Variants in TPR observed in about 807,000 individuals in gnomAD.
TPR encodes the protein nucleoprotein TPR.
In TPR, 51 loss-of-function variants were observed where a neutral mutation model predicts 316.1. The ratio of observed to expected loss-of-function variants is 0.16; its 90% CI spans 0.13 to 0.20. The LOEUF (loss-of-function observed/expected upper bound fraction) is 0.20. Among genes scored for constraint, TPR ranks in the 10% least tolerant of loss-of-function variants. The probability of loss-of-function intolerance (pLI) is 1.00; values close to 1 mark genes in which losing one functional copy is unlikely to be tolerated. For synonymous variants in TPR, 981 were observed against 914.7 expected, an observed-to-expected ratio of 1.07 and a Z score of -1.31; for missense variants, 2,272 against 2,754.8, an observed-to-expected ratio of 0.82 and a Z score of 3.92.
At chr1:186,350,186 T>G (rs1558020133) in intron 21 of TPR, 37 bp downstream of exon 21, 3 of 1,528,492 alleles carry the variant, frequency 2.0e-6, no homozygotes, top group Non-Finnish European at 2.6e-6. Flanking sequence ...AAGTACTTGT[T>G]TATTTACAAT....
rs1658598149 is a variant in TPR, at chr1:186,343,978, C to T, written c.3530G>A (p.Gly1177Asp). ...AGATACATTCAGTGGACCTTGTACA[C>T]CTTCCTTCACAGAGGCAACGACCTT... is the stretch of plus-strand genomic sequence containing the variant. ...SDKVVASVKE[G>D]VQGPLNVSLS... Residue 1177 changes from glycine to aspartate, a missense_variant, in exon 26 of 51, where the codon GGT (glycine) becomes GAT (aspartate). Transcript: ENST00000367478. 5.0e-6 allele frequency: 8 copies of T among 1,614,148 alleles called. No homozygotes were observed. The East Asian group carries it at 1.3e-4, about 27-fold the overall frequency.
In TPR at chr1:186,358,638, A is replaced by G; in HGVS notation, c.1402T>C (p.Leu468=). 1.2e-6 allele frequency: 2 copies of G among 1,611,560 alleles called. No homozygotes were observed. The highest frequency in any genetic ancestry group is 1.7e-6 in the Non-Finnish European group (2 of 1,179,048). The part of the protein sequence containing the change: ...LEQAMKEIQR[L]QEDTDKANKQ... ...TTGGCTTTATCAGTGTCCTCCTGCAATCGCTGAATCTCCTTTAAAATGTAA... is the reference window on the plus strand; with the variant it reads ...TTGGCTTTATCAGTGTCCTCCTGCAGTCGCTGAATCTCCTTTAAAATGTAA... Residue 468 remains leucine, a synonymous_variant, in exon 13 of 51, where the codon TTG becomes CTG. Coordinates refer to ENST00000367478, the MANE Select transcript of TPR (RefSeq NM_003292.3).
intron 21 of TPR, among the ~76,000 whole-genome samples, chr1:186,348,241 G>T (rs573569094): frequency 6.6e-6 from 1 of 152,056 alleles, no homozygotes; most frequent in Non-Finnish European, 1.5e-5. Flanking sequence ...ATGCGTCCCT[G>T]GGGGGAGGTC....
At chr1:186,332,392 TAGATAA>T (rs757165863) in intron 37 of TPR, 49 bp from the exon 38 acceptor site, 9 of 1,590,090 alleles carry the variant, frequency 5.7e-6, no homozygotes, top group East Asian at 2.2e-5. Flanking sequence ...TAACTCAATT[TAGATAA>T]AGATAGTTTA....
Position 186,311,652 on chromosome 1 carries a change from TTTTCA to T in TPR, c.*2314_*2318del. The T allele has an allele frequency of 1.3e-6, 2 of 1,512,516 alleles. No homozygotes were observed. The highest frequency in any genetic ancestry group is 1.8e-6 in the Non-Finnish European group (2 of 1,090,258). The allele number at this position is 1,512,516 out of a possible 1,614,324, so 93.7% of individuals were successfully genotyped here. ...AACTTTTAAAGAATTACACTCAGCA[TTTTCA>T]TTTATTATTGACTTTACTGTCAAAA... On this transcript the variant is annotated 3_prime_UTR_variant, in exon 51 of 51. Transcript: ENST00000367478.
At chr1:186,360,657 T>C (rs1399096365) in intron 10 of TPR, 108 bp downstream of exon 10, 1 of 1,403,738 alleles carries the variant, frequency 7.1e-7, no homozygotes, top group East Asian at 2.4e-5. Context: ...CTCGATGGAG[T>C]TTCCTACATC....
chr1:186,343,284 TTTTGA>T (rs1225920845), intron 27 of TPR, 37 bp downstream of exon 27: 4 of 1,583,328 alleles, frequency 2.5e-6, no homozygotes, highest in East Asian at 2.2e-5. Context: ...AGTGCTTCTC[TTTTGA>T]TTTAACAAGT....
At position 186,333,177 on chromosome 1, in the gene TPR, A is replaced by C; in HGVS notation, c.5400T>G (p.Val1800=). 1 of 1,613,556 alleles carries C rather than the reference A, an allele frequency of 6.2e-7. No individual in the cohort carries two copies. The highest frequency in any genetic ancestry group is 2.2e-5 in the East Asian group (1 of 44,872). ...NQELSSNIVE[V]VQSSPVERPS... The stretch of plus-strand genomic sequence containing the variant: ...GCCGCTCAACTGGTGAACTCTGAAC[A>C]ACCTCTACTATGTTTGAAGATAACT... The change falls in exon 37 of 51, where the codon GTT becomes GTG. Residue 1800 remains valine, a synonymous_variant. Transcript: ENST00000367478.
rs1327448801 is a variant in TPR, at chr1:186,362,209, AT to A, written c.789+78del. ...TATGGGGCCAAGGACAGATTAAAAA[AT>A]GACATCATTTTGTGAAATAACAGCT... On this transcript the variant is annotated intron_variant, in intron 7 of 50. Transcript: ENST00000367478. 9 of 1,212,058 alleles carry A rather than the reference AT, an allele frequency of 7.4e-6. No individual in the cohort carries two copies. The East Asian group carries it at 1.9e-4, about 25-fold the overall frequency. The allele number at this position is 1,212,058 out of a possible 1,614,324, so 75.1% of individuals were successfully genotyped here.
At chr1:186,317,666 CTT>C in intron 48 of TPR, 66 bp from the exon 49 acceptor site, 2 of 1,415,146 alleles carry the variant, frequency 1.4e-6, no homozygotes, top group Non-Finnish European at 2.0e-6. Context: ...TATATCCACT[CTT>C]TTAAATCTAT....
At chr1:186,338,654 AT>A (rs1278918328) in intron 30 of TPR, among the ~76,000 whole-genome samples, 2 of 152,170 alleles carry the variant, frequency 1.3e-5, no homozygotes, top group African/African-American at 4.8e-5. Context: ...TCTTTGCTGT[AT>A]TTTTCTTAAA....
Position 186,337,019 on chromosome 1 carries a change from C to T in TPR, c.4500G>A (p.Leu1500=). 3.7e-6 allele frequency: 6 copies of T among 1,613,756 alleles called. No homozygotes were observed. The highest frequency in any genetic ancestry group is 5.1e-6 in the Non-Finnish European group (6 of 1,179,736). The part of the protein sequence containing the change: ...SKSLESQVEN[L]QKTLSEKETE... ...ACTGTTCTCACACTCATACCTTCTG[C>T]AGATTCTCTACTTGACTTTCAAGTG... The change falls in exon 32 of 51, where the codon CTG becomes CTA. Residue 1500 remains leucine, a synonymous_variant. Transcript: ENST00000367478.
rs1443017642 is a variant in TPR at position 186,358,573 on chromosome 1, C to T, written c.1467G>A (p.Met489Ile). 2 of 1,610,422 alleles carry T rather than the reference C, an allele frequency of 1.2e-6. No homozygotes were observed. Among genetic ancestry groups the T allele is most frequent in the Non-Finnish European group, 8.5e-7 (1 of 1,178,670 alleles). The change falls in exon 13 of 51, where the codon ATG becomes ATA. Residue 489 changes from methionine (M) to isoleucine (I), a missense_variant. Met to Ile is a conservative substitution (Grantham distance 10). Around this residue, in one of 10 missense-constraint regions of TPR, gnomAD observed 549 missense variants for 598.6 expected, o/e 0.92. Coordinates refer to ENST00000367478, the MANE Select transcript of TPR (RefSeq NM_003292.3). ...SSVLERDNRRMEIQVKDLSQQ... is the reference protein window; with the variant it reads ...SSVLERDNRRIEIQVKDLSQQ... ...GTGAAAGATCTTTTACTTGTATTTC[C>T]ATTCTTCGATTATCTCTCTCAAGTA... is the stretch of plus-strand genomic sequence containing the variant.
At chr1:186,315,433 C>T (rs1486760647) in intron 49 of TPR, among the ~76,000 whole-genome samples, 1 of 151,972 alleles carries the variant, frequency 6.6e-6, no homozygotes, top group Non-Finnish European at 1.5e-5. Context: ...TTTCAGACAC[C>T]CCAAATGCAA....
rs1657977849 is a variant in TPR at position 186,327,118 on chromosome 1, AATATATAAC to A, written c.5889+333_5889+341del. Among the ~76,000 whole-genome samples the A allele has an allele frequency of 5.9e-4, 10 of 16,926 alleles. 2 individuals carry two copies. Among genetic ancestry groups the A allele is most frequent in the Non-Finnish European group, 1.0e-3 (9 of 8,842 alleles). The allele number at this position is 16,926 out of a possible 152,430, so 11.1% of individuals were successfully genotyped here. The stretch of plus-strand genomic sequence containing the variant: ...TATATTATATATATAAATATATATA[AATATATAAC>A]ATATATATTATATATATAAATATAT... On this transcript the variant is annotated intron_variant, in intron 40 of 50. Coordinates refer to ENST00000367478, the MANE Select transcript of TPR (RefSeq NM_003292.3).
In TPR at chr1:186,327,288, T is replaced by C. The variant is rs5016760; in HGVS notation, c.5889+172A>G. Among the ~76,000 whole-genome samples, 87 of 57,218 alleles carry C rather than the reference T, an allele frequency of 1.5e-3. 27 individuals carry two copies. Among genetic ancestry groups the C allele is most frequent in the East Asian group, 2.5e-3 (7 of 2,762 alleles). 37.5% of individuals were successfully genotyped at this position (57,218 alleles called of 152,430 possible). A position where few individuals can be genotyped will look rare whatever the true frequency, so the allele number is the denominator to read the frequency against. ...AATATATATATTTATATATAATATA[T>C]ATAAATATATAATATATAATATATT... On this transcript the variant is annotated intron_variant, in intron 40 of 50. Coordinates refer to ENST00000367478, the MANE Select transcript of TPR (RefSeq NM_003292.3).
In TPR at chr1:186,374,914, G is replaced by C; in HGVS notation, c.115C>G (p.Leu39Val). The C allele has an allele frequency of 6.2e-7, 1 of 1,603,508 alleles. No homozygotes were observed. The highest frequency in any genetic ancestry group is 2.2e-5 in the East Asian group (1 of 44,468). ...TTAAATTTCTCATGCCGCCCCTTCA[G>C]GCCATCGATCTCGGATTGCTGATCA... ...LADQQSEIDG[L>V]KGRHEKFKVE... The change falls in exon 1 of 51, where the codon CTG becomes GTG. Residue 39 changes from leucine (L) to valine (V), a missense_variant. Leu to Val is a conservative substitution (Grantham distance 32). Transcript: ENST00000367478.
intron 39 of TPR, among the ~76,000 whole-genome samples, chr1:186,330,088 T>C (rs1658114633): frequency 6.6e-6 from 1 of 152,128 alleles, no homozygotes; most frequent in Non-Finnish European, 1.5e-5. Context: ...TGTTAAATAT[T>C]GATATTTAAT....
intron 22 of TPR, 26 bp from the exon 23 acceptor site, chr1:186,346,313 TA>T: frequency 6.3e-7 from 1 of 1,582,488 alleles, no homozygotes; most frequent in Non-Finnish European, 8.6e-7. Flanking sequence ...AACAGTAGGA[TA>T]TAAAAATTAC....
Sources: allele counts gnomAD v4.1 joint callset (sites outside exome capture counted in the v4.1 genomes callset), GRCh38; gene constraint gnomAD v4.1.1; regional missense constraint gnomAD v4.1.1; transcripts MANE v1.5; gene names NCBI Gene and HGNC (gene_info 2026-07-23, HGNC 2026-07-21).